Variants in F2R observed in about 807,000 individuals in gnomAD.
The protein encoded by F2R is proteinase-activated receptor 1.
A neutral mutation model predicts 18.3 loss-of-function variants in F2R; 12 were observed. The observed-to-expected ratio is 0.66, with a 90% CI of 0.42 to 1.06. The LOEUF is 1.06. Among genes scored for constraint, F2R ranks in the 50% least tolerant of loss-of-function variants. The pLI, the probability that F2R is intolerant of heterozygous loss-of-function variation, is 0.00. For missense variants in F2R, 438 were observed against 530.8 expected, an observed-to-expected ratio of 0.83 and a Z score of 1.72; for synonymous variants, 210 against 219.9, an observed-to-expected ratio of 0.95 and a Z score of 0.40.
rs1425081215 is a variant in F2R, at chr5:76,733,232, A to G, written c.1007A>G (p.His336Arg). 6.2e-7 allele frequency: 1 copy of G among 1,614,046 alleles called. No homozygotes were observed. The highest frequency in any genetic ancestry group is 1.3e-5 in the African/African-American group (1 of 74,912). The stretch of plus-strand genomic sequence containing the variant: ...CCCACAAACGTCCTCCTGATTGCGC[A>G]TTACTCATTCCTTTCTCACACTTCC... ...FGPTNVLLIA[H>R]YSFLSHTSTT... is the part of the protein sequence containing the mutation. Residue 336 changes from histidine to arginine, a missense_variant, in exon 2 of 2, where the codon CAT becomes CGT. By Grantham distance (29) the His-to-Arg change is conservative. Transcript: ENST00000319211.
chr5:76,716,657 G>A lies in F2R; in HGVS notation c.88+262G>A, dbSNP rs751941393. The A allele has an allele frequency of 5.4e-6, 4 of 747,384 alleles. No individual in the cohort carries two copies. In the South Asian group the frequency reaches 5.6e-5, roughly 11 times the overall value. 46.3% of individuals were successfully genotyped at this position (747,384 alleles called of 1,614,324 possible). A position where few individuals can be genotyped will look rare whatever the true frequency, so the allele number is the denominator to read the frequency against. On this transcript the variant is annotated intron_variant, in intron 1 of 1. Transcript: ENST00000319211. ...CGGGGTGTTGGATATGGAGGAGGATGGAGCGGAAGCCCCCTGGGGGAGCCT... is the reference window on the plus strand; with the variant it reads ...CGGGGTGTTGGATATGGAGGAGGATAGAGCGGAAGCCCCCTGGGGGAGCCT...
rs559570286 is a variant in F2R, at chr5:76,729,776, C to T, written c.89-2538C>T. On this transcript the variant is annotated intron_variant, in intron 1 of 1. Transcript: ENST00000319211. ...AACGATTTGGCTCTATGTCCCCACC[C>T]AAATCTCAACTTGTAGCTCCCATAA... 2.9e-4 allele frequency among the ~76,000 whole-genome samples: 44 copies of T among 152,280 alleles called. 1 individual carries two copies. In the South Asian group the frequency reaches 4.8e-3, roughly 16 times the overall value.
rs1561632285 is a variant in F2R, at chr5:76,733,401, C to T, written c.1176C>T (p.Ser392=). 3 of 1,614,144 alleles carry T rather than the reference C, an allele frequency of 1.9e-6. No homozygotes were observed. Among genetic ancestry groups the T allele is most frequent in the Non-Finnish European group, 2.5e-6 (3 of 1,180,040 alleles). The change falls in exon 2 of 2, where the codon TCC becomes TCT. Residue 392 remains serine (S), a synonymous_variant. Coordinates refer to ENST00000319211, the MANE Select transcript of F2R (RefSeq NM_001992.5). The part of the protein sequence containing the change: ...VYSILCCKES[S]DPSSYNSSGQ... ...GTATCTTATGCTGCAAAGAAAGTTCCGATCCCAGCAGTTATAACAGCAGTG... is the reference window on the plus strand; with the variant it reads ...GTATCTTATGCTGCAAAGAAAGTTCTGATCCCAGCAGTTATAACAGCAGTG...
In F2R at chr5:76,735,606, CTA is replaced by C. The variant is rs1242408138; in HGVS notation, c.*2105_*2106del. Reference sequence around the variant, plus strand: ...AGCACTGGTTTTATTAATTTAGTGACTATTCATTTTATCTAAATCAGTGAAGA... The same window carrying C: ...AGCACTGGTTTTATTAATTTAGTGACTTCATTTTATCTAAATCAGTGAAGA... On this transcript the variant is annotated 3_prime_UTR_variant, in exon 2 of 2. Transcript: ENST00000319211. The C allele has an allele frequency of 6.6e-6, 1 of 152,092 alleles. No homozygotes were observed. Among genetic ancestry groups the C allele is most frequent in the Middle Eastern group, 3.2e-3 (1 of 316 alleles). The allele number at this position is 152,092 out of a possible 1,614,324, so 9.4% of individuals were successfully genotyped here.
chr5:76,733,398 T>C lies in F2R; in HGVS notation c.1173T>C (p.Ser391=). 1 of 1,614,182 alleles carries C rather than the reference T, an allele frequency of 6.2e-7. No individual in the cohort carries two copies. Among genetic ancestry groups the C allele is most frequent in the South Asian group, 1.1e-5 (1 of 91,084 alleles). ...YVYSILCCKE[S]SDPSSYNSSG... ...ACAGTATCTTATGCTGCAAAGAAAG[T>C]TCCGATCCCAGCAGTTATAACAGCA... Residue 391 remains serine, a synonymous_variant, in exon 2 of 2, where the codon AGT becomes AGC. Transcript: ENST00000319211.
At position 76,735,608 on chromosome 5, in the gene F2R, A is replaced by C. The variant is rs889928455; in HGVS notation, c.*2105A>C. 2 of 152,202 alleles carry C rather than the reference A, an allele frequency of 1.3e-5. No individual in the cohort carries two copies. Among genetic ancestry groups the C allele is most frequent in the African/African-American group, 4.8e-5 (2 of 41,466 alleles). The allele number at this position is 152,202 out of a possible 1,614,324, so 9.4% of individuals were successfully genotyped here. A position where few individuals can be genotyped will look rare whatever the true frequency, so the allele number is the denominator to read the frequency against. On this transcript the variant is annotated 3_prime_UTR_variant, in exon 2 of 2. Coordinates refer to ENST00000319211, the MANE Select transcript of F2R (RefSeq NM_001992.5). ...CACTGGTTTTATTAATTTAGTGACTATTCATTTTATCTAAATCAGTGAAGA... is the reference window on the plus strand; with the variant it reads ...CACTGGTTTTATTAATTTAGTGACTCTTCATTTTATCTAAATCAGTGAAGA...
chr5:76,732,146 G>T (rs937795403), intron 1 of F2R, among the ~76,000 whole-genome samples, 168 bp from the exon 2 acceptor site: 5 of 152,150 alleles, frequency 3.3e-5, no homozygotes, highest in African/African-American at 9.7e-5. Flanking sequence ...AGTATTTTGA[G>T]TTGGCTTATT....
At chr5:76,726,077 AGAG>A in intron 1 of F2R, among the ~76,000 whole-genome samples, 2 of 152,314 alleles carry the variant, frequency 1.3e-5, no homozygotes, top group African/African-American at 2.4e-5. Flanking sequence ...CCAAAACTGC[AGAG>A]GAGAATTGCA....
chr5:76,731,998 A>C (rs153311), intron 1 of F2R, among the ~76,000 whole-genome samples: 121,207 of 152,132 alleles, frequency 0.8, 48,705 homozygotes, highest in African/African-American at 0.91. Context: ...GTGGAAATCA[A>C]TGATTGATCC....
chr5:76,733,256 C>A lies in F2R; in HGVS notation c.1031C>A (p.Ser344Tyr). The change falls in exon 2 of 2, where the codon TCC (serine) becomes TAC (tyrosine). Residue 344 changes from serine (S) to tyrosine (Y), a missense_variant. By Grantham distance (144) the Ser-to-Tyr change is moderately radical. Transcript: ENST00000319211. ...IAHYSFLSHT[S>Y]TTEAAYFAYL... ...CATTACTCATTCCTTTCTCACACTT[C>A]CACCACAGAGGCTGCCTACTTTGCC... 1 of 1,614,210 alleles carries A rather than the reference C, an allele frequency of 6.2e-7. No homozygotes were observed. Among genetic ancestry groups the A allele is most frequent in the Non-Finnish European group, 8.5e-7 (1 of 1,180,042 alleles).
intron 1 of F2R, 41 bp downstream of exon 1, chr5:76,716,436 G>A: frequency 7.3e-7 from 1 of 1,378,662 alleles, no homozygotes. Flanking sequence ...GCGGAGGGAC[G>A]CCGAGGGGAG....
chr5:76,718,775 A>T (rs2227754), intron 1 of F2R, among the ~76,000 whole-genome samples: 6,730 of 152,316 alleles, frequency 0.044, 438 homozygotes, highest in African/African-American at 0.14. Context: ...GCCAACATCC[A>T]AGAGTAAAAG....
At chr5:76,727,795 C>T (rs1180526256) in intron 1 of F2R, among the ~76,000 whole-genome samples, 2 of 139,168 alleles carry the variant, frequency 1.4e-5, no homozygotes, top group Non-Finnish European at 3.1e-5. Context: ...GGTTGTAATA[C>T]ATTCTTCAAA....
chr5:76,732,385 C>A lies in F2R; in HGVS notation c.160C>A (p.Pro54Thr). 2 of 1,614,040 alleles carry A rather than the reference C, an allele frequency of 1.2e-6. No homozygotes were observed. The highest frequency in any genetic ancestry group is 1.7e-6 in the Non-Finnish European group (2 of 1,180,012). ...CAGGAACCCCAATGATAAATATGAA[C>A]CATTTTGGGAGGATGAGGAGAAAAA... ...LLRNPNDKYE[P>T]FWEDEEKNES... Residue 54 changes from proline to threonine, a missense_variant, in exon 2 of 2, where the codon CCA becomes ACA. Coordinates refer to ENST00000319211, the MANE Select transcript of F2R (RefSeq NM_001992.5).
At position 76,716,646 on chromosome 5, in the gene F2R, TG is replaced by T. The variant is rs1264466737; in HGVS notation, c.88+253del. The T allele has an allele frequency of 4.0e-6, 3 of 744,170 alleles. No homozygotes were observed. The African/African-American group carries it at 5.2e-5, about 13-fold the overall frequency. The allele number at this position is 744,170 out of a possible 1,614,324, so 46.1% of individuals were successfully genotyped here. ...CCCGCCTGCCACGGGGTGTTGGATATGGAGGAGGATGGAGCGGAAGCCCCCT... is the reference window on the plus strand; with the variant it reads ...CCCGCCTGCCACGGGGTGTTGGATATGAGGAGGATGGAGCGGAAGCCCCCT... On this transcript the variant is annotated intron_variant, in intron 1 of 1. Coordinates refer to ENST00000319211, the MANE Select transcript of F2R (RefSeq NM_001992.5).
rs1748334866 is a variant in F2R, at chr5:76,716,139, A to C, written c.-169A>C. On this transcript the variant is annotated 5_prime_UTR_variant, in exon 1 of 2. Transcript: ENST00000319211. ...CCCCGCCCCGCTAACCGCCCCAGAC[A>C]CAGCGCTCGCCGAGGGTCGCTTGGA... The C allele has an allele frequency of 1.2e-5, 5 of 425,826 alleles. No homozygotes were observed. The highest frequency in any genetic ancestry group is 8.2e-5 in the South Asian group (1 of 12,142). 26.4% of individuals were successfully genotyped at this position (425,826 alleles called of 1,614,324 possible).
At chr5:76,730,436 TGTTATATAG>T (rs1294824552) in intron 1 of F2R, among the ~76,000 whole-genome samples, 2 of 152,218 alleles carry the variant, frequency 1.3e-5, no homozygotes, top group Non-Finnish European at 2.9e-5. Flanking sequence ...TCACCTTTTA[TGTTATATAG>T]GCACTGCTGT....
At chr5:76,726,707 A>G (rs1049230787) in intron 1 of F2R, among the ~76,000 whole-genome samples, 1 of 152,188 alleles carries the variant, frequency 6.6e-6, no homozygotes, top group African/African-American at 2.4e-5. Flanking sequence ...TCTCAAAAAA[A>G]AATTGGTTCC....
chr5:76,720,673 C>T (rs1279330752), intron 1 of F2R, among the ~76,000 whole-genome samples: 1 of 152,108 alleles, frequency 6.6e-6, no homozygotes, highest in African/African-American at 2.4e-5. Context: ...CCCATTCTCC[C>T]TTCCCCTACC....
Sources: gnomAD v4.1 joint callset for allele counts (sites outside exome capture counted in the v4.1 genomes callset) on GRCh38, gnomAD v4.1.1 for gene constraint, MANE v1.5 for transcripts, NCBI Gene and HGNC (gene_info 2026-07-23, HGNC 2026-07-21) for gene names.